GALNT1: variants seen among roughly 807,000 people sequenced by gnomAD.
The protein encoded by GALNT1 is polypeptide N-acetylgalactosaminyltransferase 1, also known as GalNAc transferase 1.
Under a neutral mutation model 65.7 loss-of-function variants are expected in GALNT1, and 17 were observed. That is an observed-to-expected ratio of 0.26 (90% CI 0.18 to 0.39). The LOEUF (loss-of-function observed/expected upper bound fraction) is 0.39, where lower values mean the gene tolerates loss of function less well. Among genes scored for constraint, GALNT1 ranks in the 10% least tolerant of loss-of-function variants. GALNT1 has a pLI of 1.00. For synonymous variants in GALNT1, 210 were observed against 219.7 expected (o/e 0.96, Z 0.39); for missense variants, 460 against 672.8 (o/e 0.68, Z 3.50).
At chr18:35,687,780 C>T (rs575077245) in intron 6 of GALNT1, among the ~76,000 whole-genome samples, 36 of 152,012 alleles carry the variant, frequency 2.4e-4, no homozygotes, top group Admixed American at 9.8e-4. Context: ...CTTTTTAGAA[C>T]ATGAAATTGA....
At position 35,709,757 on chromosome 18, in the gene GALNT1, C is replaced by G. The variant is rs776723493; in HGVS notation, c.1667C>G (p.Pro556Arg). 3.7e-6 allele frequency: 6 copies of G among 1,613,888 alleles called. No individual in the cohort carries two copies. In the East Asian group the frequency reaches 1.3e-4, roughly 36 times the overall value. Residue 556 changes from proline (P) to arginine (R), a missense_variant, in exon 12 of 12, where the codon CCA (proline) becomes CGA (arginine). Physicochemically the swap from Pro to Arg is moderately radical, Grantham distance 103 (BLOSUM62 -2). Coordinates refer to ENST00000269195, the MANE Select transcript of GALNT1 (RefSeq NM_020474.4). ...TGGCTTCTTCGAAACGTCACCCTGC[C>G]AGAAATATTCTGAGACCAAATTTAC... ...QQWLLRNVTL[P>R]EIF
intron 3 of GALNT1, among the ~76,000 whole-genome samples, chr18:35,670,979 A>G (rs769215979): frequency 2.4e-4 from 36 of 152,234 alleles, no homozygotes; most frequent in Non-Finnish European, 5.1e-4. Context: ...TTTTATATGT[A>G]TTACCTGAAA....
chr18:35,682,400 T>A (rs971956805), intron 4 of GALNT1, among the ~76,000 whole-genome samples: 5 of 152,132 alleles, frequency 3.3e-5, no homozygotes, highest in African/African-American at 7.2e-5. Context: ...TTAATAGATA[T>A]GAGGATAATC....
intron 1 of GALNT1, among the ~76,000 whole-genome samples, chr18:35,635,312 A>T (rs1016311664): frequency 1.3e-5 from 2 of 152,186 alleles, no homozygotes; most frequent in Non-Finnish European, 2.9e-5. Flanking sequence ...ACATAAGCAC[A>T]TTCCTACCAT....
chr18:35,614,557 A>T (rs896202607), intron 1 of GALNT1, among the ~76,000 whole-genome samples: 1 of 152,158 alleles, frequency 6.6e-6, no homozygotes, highest in South Asian at 2.1e-4. Flanking sequence ...GCCCACTGTT[A>T]CCCTGCCTCT....
chr18:35,710,630 T>C lies in GALNT1; in HGVS notation c.*860T>C, dbSNP rs1258426885. The C allele has an allele frequency of 2.6e-5, 4 of 152,624 alleles. No individual in the cohort carries two copies. The highest frequency in any genetic ancestry group is 9.6e-5 in the African/African-American group (4 of 41,466). 9.5% of individuals were successfully genotyped at this position (152,624 alleles called of 1,614,324 possible). On this transcript the variant is annotated 3_prime_UTR_variant, in exon 12 of 12. Coordinates refer to ENST00000269195, the MANE Select transcript of GALNT1 (RefSeq NM_020474.4). ...TGAACAAATTAGATGTTTCAGTTGC[T>C]CTTGGGTCAACTGGCTTACAGATTT...
chr18:35,689,315 T>A, intron 7 of GALNT1, 25 bp downstream of exon 7: 1 of 1,315,304 alleles, frequency 7.6e-7, no homozygotes, highest in Non-Finnish European at 1.1e-6. Context: ...AAAAATTTAA[T>A]CTTTTATTTA....
chr18:35,664,635 T>C (rs964795849), intron 3 of GALNT1: 2 of 152,236 alleles, frequency 1.3e-5, no homozygotes, highest in Non-Finnish European at 2.9e-5. Context: ...CCCAAAATGT[T>C]TATACCAATT....
intron 1 of GALNT1, among the ~76,000 whole-genome samples, chr18:35,609,714 A>G (rs1053562804): frequency 6.6e-6 from 1 of 152,232 alleles, no homozygotes; most frequent in African/African-American, 2.4e-5. Flanking sequence ...GGGAGAAAAC[A>G]GTGACCAGGA....
intron 1 of GALNT1, among the ~76,000 whole-genome samples, chr18:35,593,122 A>C (rs2046464346): frequency 6.6e-6 from 1 of 152,186 alleles, no homozygotes; most frequent in Non-Finnish European, 1.5e-5. Context: ...AGGAGGAAGC[A>C]CTGAAGAAAT....
At chr18:35,616,733 G>C (rs2046788576) in intron 1 of GALNT1, among the ~76,000 whole-genome samples, 2 of 152,080 alleles carry the variant, frequency 1.3e-5, no homozygotes, top group East Asian at 1.9e-4. Flanking sequence ...TTTCTCTGTG[G>C]CAGTTAGCAT....
At chr18:35,639,248 C>T (rs905444761) in intron 1 of GALNT1, among the ~76,000 whole-genome samples, 23 of 152,146 alleles carry the variant, frequency 1.5e-4, no homozygotes, top group Admixed American at 3.9e-4. Context: ...TAAGAAATTG[C>T]GACAGCCACT....
intron 1 of GALNT1, among the ~76,000 whole-genome samples, chr18:35,648,666 A>G (rs915563058): frequency 6.6e-6 from 1 of 152,138 alleles, no homozygotes; most frequent in African/African-American, 2.4e-5. Context: ...AAAACATAAA[A>G]CAGTTTCTCT....
intron 8 of GALNT1, 65 bp from the exon 9 acceptor site, chr18:35,692,116 A>G (rs1200901887): frequency 7.2e-7 from 1 of 1,391,968 alleles, no homozygotes; most frequent in Non-Finnish European, 1.0e-6. Context: ...TATTAGATTC[A>G]ATATATAAAC....
chr18:35,600,495 A>G (rs77512254), intron 1 of GALNT1, among the ~76,000 whole-genome samples: 8,413 of 152,166 alleles, frequency 0.055, 364 homozygotes, highest in Non-Finnish European at 0.078. Flanking sequence ...TTTCTTTCCA[A>G]TTTGGAGGCC....
intron 10 of GALNT1, 110 bp from the exon 11 acceptor site, chr18:35,703,399 C>T (rs1243183573): frequency 4.0e-6 from 4 of 994,202 alleles, no homozygotes; most frequent in African/African-American, 1.6e-5. Context: ...TAATAAAGTA[C>T]ATAAATCATG....
chr18:35,650,808 CAT>C (rs2047301981), intron 1 of GALNT1, among the ~76,000 whole-genome samples: 1 of 152,122 alleles, frequency 6.6e-6, no homozygotes, highest in South Asian at 2.1e-4. Context: ...GCCCAGATTT[CAT>C]ATTGTTTAAA....
At chr18:35,662,148 A>ATT (rs34734639) in intron 2 of GALNT1, among the ~76,000 whole-genome samples, 14,865 of 152,160 alleles carry the variant, frequency 0.098, 798 homozygotes, top group Admixed American at 0.17. Flanking sequence ...TATATGGAGT[A>ATT]TTACACTTCT....
chr18:35,694,712 C>A (rs76504330), intron 9 of GALNT1, among the ~76,000 whole-genome samples: 1,583 of 152,298 alleles, frequency 0.01, 30 homozygotes, highest in African/African-American at 0.036. Flanking sequence ...GCTAGCAATG[C>A]TTAGGCATTG....
Sources: gnomAD v4.1 joint callset for allele counts (sites outside exome capture counted in the v4.1 genomes callset) on GRCh38, gnomAD v4.1.1 for gene constraint, MANE v1.5 for transcripts, NCBI Gene and HGNC (gene_info 2026-07-23, HGNC 2026-07-21) for gene names.